The following KCNH1 variants were observed in gnomAD, a reference collection of about 807,000 sequenced individuals.
KCNH1 encodes the protein potassium voltage-gated channel subfamily H member 1.
A neutral mutation model predicts 69.2 loss-of-function variants in KCNH1; 27 were observed. That is an observed-to-expected ratio of 0.39 (90% CI 0.29 to 0.54). The LOEUF is 0.54. Among genes scored for constraint, KCNH1 ranks in the 20% least tolerant of loss-of-function variants. KCNH1 has a pLI of 0.68. For synonymous variants in KCNH1, 456 were observed against 487.7 expected (o/e 0.93, Z 0.86); for missense variants, 798 against 1,261.6 (o/e 0.63, Z 5.57).
chr1:210,838,556 A>C (rs868784276), intron 7 of KCNH1, among the ~76,000 whole-genome samples: 54 of 152,294 alleles, frequency 3.5e-4, no homozygotes, highest in Non-Finnish European at 6.0e-4. Flanking sequence ...ACAAAAGCAA[A>C]AGTTGACAAA....
chr1:210,973,323 A>G (rs1302768661), intron 6 of KCNH1, among the ~76,000 whole-genome samples: 1 of 152,134 alleles, frequency 6.6e-6, no homozygotes, highest in African/African-American at 2.4e-5. Context: ...CATTCTCTTT[A>G]TATCTATACT....
intron 5 of KCNH1, among the ~76,000 whole-genome samples, chr1:211,056,323 G>C (rs925730434): frequency 6.6e-5 from 10 of 152,126 alleles, no homozygotes; most frequent in Admixed American, 2.6e-4. Context: ...GAAAAGGGGA[G>C]AGTGGGAAGG....
chr1:210,987,343 G>A (rs182353422), intron 6 of KCNH1, among the ~76,000 whole-genome samples: 15 of 152,248 alleles, frequency 9.9e-5, no homozygotes, highest in South Asian at 2.1e-4. Flanking sequence ...CGTTTCTTTC[G>A]AGGAGGAGAG....
chr1:210,802,933 A>G (rs1558476075), intron 8 of KCNH1, among the ~76,000 whole-genome samples: 2 of 152,062 alleles, frequency 1.3e-5, no homozygotes, highest in Admixed American at 1.3e-4. Flanking sequence ...AAAAAAAAAG[A>G]GTAACTCCTT....
intron 5 of KCNH1, among the ~76,000 whole-genome samples, chr1:211,057,786 A>G (rs376009627): frequency 2.0e-5 from 3 of 151,334 alleles, no homozygotes; most frequent in East Asian, 3.9e-4. Flanking sequence ...GACAGATCCG[A>G]AAAAAAAAGT....
At chr1:210,684,165 A>T in intron 10 of KCNH1, 27 bp from the exon 11 acceptor site, 1 of 1,492,648 alleles carries the variant, frequency 6.7e-7, no homozygotes, top group Non-Finnish European at 8.9e-7. Context: ...AGAGAATGAC[A>T]TGGCGTGTTA....
chr1:210,827,331 A>C (rs1300000394), intron 7 of KCNH1, among the ~76,000 whole-genome samples: 1 of 137,278 alleles, frequency 7.3e-6, no homozygotes, highest in Admixed American at 7.3e-5. Context: ...ACTCCATCTC[A>C]AAAAACAGAA....
At chr1:210,708,758 G>A (rs1040048647) in intron 10 of KCNH1, among the ~76,000 whole-genome samples, 2 of 152,122 alleles carry the variant, frequency 1.3e-5, no homozygotes, top group Non-Finnish European at 2.9e-5. Context: ...AGTGTCCAAC[G>A]GGTCTTGTTG....
At chr1:211,084,970 A>G (rs766683879) in intron 4 of KCNH1, among the ~76,000 whole-genome samples, 8 of 152,344 alleles carry the variant, frequency 5.3e-5, no homozygotes, top group Non-Finnish European at 7.3e-5. Flanking sequence ...ATCATGACAT[A>G]GTGAGCTAAG....
intron 7 of KCNH1, among the ~76,000 whole-genome samples, chr1:210,865,800 C>T (rs1574305259): frequency 6.6e-6 from 1 of 152,168 alleles, no homozygotes; most frequent in African/African-American, 2.4e-5. Context: ...ACTTTTCCCC[C>T]AACTCTTTAA....
intron 5 of KCNH1, among the ~76,000 whole-genome samples, chr1:211,053,436 G>A (rs1690244152): frequency 6.6e-6 from 1 of 152,170 alleles, no homozygotes; most frequent in Non-Finnish European, 1.5e-5. Flanking sequence ...CACTATAGGA[G>A]ACATGAGGGG....
rs1558545500 is a variant in KCNH1, at chr1:210,967,253, C to A, written c.1033-47184G>T. Reference sequence around the variant, plus strand: ...TGGGCTGATGGGTGCAGCAAGCCACCATGGCATGTGTATACCTATGCAACA... The same window carrying A: ...TGGGCTGATGGGTGCAGCAAGCCACAATGGCATGTGTATACCTATGCAACA... On this transcript the variant is annotated intron_variant, in intron 6 of 10. Transcript: ENST00000271751. 3.3e-5 allele frequency among the ~76,000 whole-genome samples: 5 copies of A among 152,040 alleles called. No individual in the cohort carries two copies. In the South Asian group the frequency reaches 1.0e-3, roughly 32 times the overall value.
chr1:211,037,492 CT>C (rs59386390), intron 5 of KCNH1, among the ~76,000 whole-genome samples: 13,520 of 115,286 alleles, frequency 0.12, 756 homozygotes, highest in African/African-American at 0.17. Flanking sequence ...TAATTCAGTG[CT>C]TTTTTTTTTT....
chr1:210,768,231 T>C (rs1683678877), intron 10 of KCNH1, among the ~76,000 whole-genome samples: 1 of 152,184 alleles, frequency 6.6e-6, no homozygotes, highest in Admixed American at 6.5e-5. Flanking sequence ...TTATCATAAT[T>C]ATAGCCATAT....
chr1:210,960,153 T>C (rs1263451743), intron 6 of KCNH1, among the ~76,000 whole-genome samples: 1 of 152,200 alleles, frequency 6.6e-6, no homozygotes, highest in African/African-American at 2.4e-5. Context: ...ATATGTCACA[T>C]AAAAACAATG....
intron 6 of KCNH1, among the ~76,000 whole-genome samples, chr1:210,920,922 T>C (rs1687446395): frequency 6.6e-6 from 1 of 152,150 alleles, no homozygotes; most frequent in Non-Finnish European, 1.5e-5. Context: ...CTGGCTGGCA[T>C]CCACTGATCA....
At chr1:211,130,287 T>A (rs1367620665) in intron 1 of KCNH1, among the ~76,000 whole-genome samples, 1 of 152,200 alleles carries the variant, frequency 6.6e-6, no homozygotes. Context: ...AAAGAACAGA[T>A]AATTATCAAA....
chr1:211,129,414 C>A (rs1253714304), intron 1 of KCNH1, among the ~76,000 whole-genome samples: 1 of 152,198 alleles, frequency 6.6e-6, no homozygotes. Flanking sequence ...CACATCTATT[C>A]TTTTAAGATA....
At chr1:211,103,116 G>A (rs17017201) in intron 3 of KCNH1, among the ~76,000 whole-genome samples, 1,880 of 152,326 alleles carry the variant, frequency 0.012, 45 homozygotes, top group African/African-American at 0.043. Context: ...CTTGTGCTAA[G>A]TGCTGTGGAA....
Sources: allele counts gnomAD v4.1 joint callset (sites outside exome capture counted in the v4.1 genomes callset), GRCh38; gene constraint gnomAD v4.1.1; transcripts MANE v1.5; gene names NCBI Gene and HGNC (gene_info 2026-07-23, HGNC 2026-07-21).